CD177: variants seen among roughly 807,000 people sequenced by gnomAD.
CD177 encodes the protein CD177 molecule.
Under a neutral mutation model 38.1 loss-of-function variants are expected in CD177, and 41 were observed. The ratio of observed to expected loss-of-function variants is 1.07; its 90% CI spans 0.84 to 1.39. The LOEUF (loss-of-function observed/expected upper bound fraction) is 1.39. Among genes scored for constraint, CD177 ranks in the 40% most tolerant of loss-of-function variants. The pLI, the probability that CD177 is intolerant of heterozygous loss-of-function variation, is 0.00. For missense variants in CD177, 619 were observed against 523.8 expected, an observed-to-expected ratio of 1.18 and a Z score of -1.77; for synonymous variants, 236 against 216.7, an observed-to-expected ratio of 1.09 and a Z score of -0.78.
At chr19:43,363,957 G>A (rs1970008424), downstream of CD177, among the ~76,000 whole-genome samples, 1 of 152,196 alleles carries the variant, frequency 6.6e-6, no homozygotes, top group Admixed American at 6.5e-5. Context: ...GGGTGTGGTG[G>A]TGTGCGCCCC....
intron 7 of CD177, 56 bp downstream of exon 7, chr19:43,361,384 C>T (rs1969961363): frequency 6.3e-7 from 1 of 1,593,952 alleles, no homozygotes. Context: ...GACTCTGGCC[C>T]AAGGTGGCCA....
At position 43,354,399 on chromosome 19, in the gene CD177, GCGGGAGGGT is replaced by G; in HGVS notation, c.379+15_379+23del. 1 of 1,613,688 alleles carries G rather than the reference GCGGGAGGGT, an allele frequency of 6.2e-7. No individual in the cohort carries two copies. Among genetic ancestry groups the G allele is most frequent in the Middle Eastern group, 1.7e-4 (1 of 6,058 alleles). ...GCCCCACAGCCCCCAGCAGGTGCCT[GCGGGAGGGT>G]CGGGAGGAGAGGGAGGGGCTGCTAG... On this transcript the variant is annotated splice_region_variant and intron_variant, in intron 3 of 8. Coordinates refer to ENST00000618265, the MANE Select transcript of CD177 (RefSeq NM_020406.4).
At position 43,362,327 on chromosome 19, in the gene CD177, T is replaced by G. The variant is rs1969984273; in HGVS notation, c.*7T>G. 1.5e-6 allele frequency: 2 copies of G among 1,347,002 alleles called. No homozygotes were observed. Among genetic ancestry groups the G allele is most frequent in the Non-Finnish European group, 2.1e-6 (2 of 960,362 alleles). 83.4% of individuals were successfully genotyped at this position (1,347,002 alleles called of 1,614,324 possible). ...GGTTTGCCCTTCCTGCTAACTCTATTACCCCCACGATTCTTCACCGCTGCT... is the reference window on the plus strand; with the variant it reads ...GGTTTGCCCTTCCTGCTAACTCTATGACCCCCACGATTCTTCACCGCTGCT... On this transcript the variant is annotated 3_prime_UTR_variant, in exon 9 of 9. Transcript: ENST00000618265.
chr19:43,362,400 G>C lies in CD177; in HGVS notation c.*80G>C. ...TCTGACCTCATAACCTAATGGCCTT[G>C]GACACCAGATTCTTTCCCATTCTGT... On this transcript the variant is annotated 3_prime_UTR_variant, in exon 9 of 9. Coordinates refer to ENST00000618265, the MANE Select transcript of CD177 (RefSeq NM_020406.4). 2 of 625,196 alleles carry C rather than the reference G, an allele frequency of 3.2e-6. No homozygotes were observed. Among genetic ancestry groups the C allele is most frequent in the Non-Finnish European group, 5.6e-6 (2 of 357,916 alleles). The allele number at this position is 625,196 out of a possible 1,614,324, so 38.7% of individuals were successfully genotyped here. A position where few individuals can be genotyped will look rare whatever the true frequency, so the allele number is the denominator to read the frequency against.
rs1568443243 is a variant in CD177, at chr19:43,354,389, GC to G, written c.377del (p.Ala126GlufsTer6). ...CCCGCTTTGGGCCCCACAGCCCCCAGCAGGTGCCTGCGGGAGGGTCGGGAGG... is the reference window on the plus strand; with the variant it reads ...CCCGCTTTGGGCCCCACAGCCCCCAGAGGTGCCTGCGGGAGGGTCGGGAGG... Reference protein sequence around the residue: ...SLPLWAPQPPADPGSLRCPVC... With the variant: ...SLPLWAPQPPXDPGSLRCPVC... On this transcript the variant is annotated frameshift_variant and splice_region_variant, in exon 3 of 9. Coordinates refer to ENST00000618265, the MANE Select transcript of CD177 (RefSeq NM_020406.4). LOFTEE classifies it high-confidence loss of function. The G allele has an allele frequency of 1.2e-6, 2 of 1,613,792 alleles. No individual in the cohort carries two copies. Among genetic ancestry groups the G allele is most frequent in the Admixed American group, 1.7e-5 (1 of 60,022 alleles).
intron 3 of CD177, among the ~76,000 whole-genome samples, chr19:43,355,122 TTTTTTTTC>T (rs1969906928): frequency 8.5e-6 from 1 of 117,908 alleles, no homozygotes; most frequent in African/African-American, 3.6e-5. Context: ...TTTTTTTTTT[TTTTTTTTC>T]TGAGAAAGCG....
chr19:43,360,293 C>A lies in CD177; in HGVS notation c.648C>A (p.Thr216=). 1.2e-6 allele frequency: 2 copies of A among 1,613,332 alleles called. No homozygotes were observed. Among genetic ancestry groups the A allele is most frequent in the Non-Finnish European group, 1.7e-6 (2 of 1,179,708 alleles). The change falls in exon 6 of 9, where the codon ACC becomes ACA. Residue 216 remains threonine (T), a synonymous_variant. Coordinates refer to ENST00000618265, the MANE Select transcript of CD177 (RefSeq NM_020406.4). ...KDFLTCHRGT[T]IMTHGNLAQE... is the part of the protein sequence containing the mutation. The stretch of plus-strand genomic sequence containing the variant: ...TTCTGACCTGTCATCGGGGGACCAC[C>A]ATTATGACACACGGAAACTTGGCTC...
chr19:43,361,041 T>C lies in CD177; in HGVS notation c.761-102T>C, dbSNP rs559657063. 6.6e-4 allele frequency: 417 copies of C among 629,104 alleles called. 6 individuals are homozygous for C. In the African/African-American group the frequency reaches 6.9e-3, roughly 10 times the overall value. 39.0% of individuals were successfully genotyped at this position (629,104 alleles called of 1,614,324 possible). ...GCAGTTGTGATCAGGGCATTCACCCTCTGCCTGGGGGGTATTGTGAAGGGC... is the reference window on the plus strand; with the variant it reads ...GCAGTTGTGATCAGGGCATTCACCCCCTGCCTGGGGGGTATTGTGAAGGGC... On this transcript the variant is annotated intron_variant, in intron 6 of 8. Coordinates refer to ENST00000618265, the MANE Select transcript of CD177 (RefSeq NM_020406.4).
rs758051031 is a variant in CD177 at position 43,360,343 on chromosome 19, C to A, written c.698C>A (p.Ser233Ter). Residue 233 changes from serine (S) to a stop codon, truncating the protein, a stop_gained, in exon 6 of 9, where the codon TCG (serine) becomes TAG (stop). Transcript: ENST00000618265. LOFTEE classifies it high-confidence loss of function. ...LAQEPTDWTT[S>*]NTEMCEVGQV... ...CAAGAACCCACTGATTGGACCACAT[C>A]GAATACCGAGATGTGCGAGGTGGGG... The A allele has an allele frequency of 6.2e-7, 1 of 1,611,922 alleles. No individual in the cohort carries two copies. The highest frequency in any genetic ancestry group is 1.3e-5 in the African/African-American group (1 of 74,854).
In CD177 at chr19:43,355,781, G is replaced by C. The variant is rs775597706; in HGVS notation, c.500G>C (p.Gly167Ala). Residue 167 changes from glycine (G) to alanine (A), a missense_variant and splice_region_variant, in exon 4 of 9, where the codon GGA becomes GCA. By Grantham distance (60) the Gly-to-Ala change is moderately conservative (BLOSUM62 0). Transcript: ENST00000618265. The stretch of plus-strand genomic sequence containing the variant: ...TATGATGGCCTCCTCAGGCTCAGGG[G>C]AGGTAAGCCTGGGACATCGGGGTCC... The part of the protein sequence containing the change: ...HCYDGLLRLR[G>A]GGIFSNLRVQ... 1 of 1,612,968 alleles carries C rather than the reference G, an allele frequency of 6.2e-7. No individual in the cohort carries two copies. The highest frequency in any genetic ancestry group is 8.5e-7 in the Non-Finnish European group (1 of 1,179,494).
At chr19:43,354,786 CT>C (rs1470144223) in intron 3 of CD177, among the ~76,000 whole-genome samples, 2 of 152,138 alleles carry the variant, frequency 1.3e-5, no homozygotes, top group Non-Finnish European at 2.9e-5. Context: ...TAACTTTCCA[CT>C]TTCCTTGTCT....
At position 43,360,307 on chromosome 19, in the gene CD177, G is replaced by T. The variant is rs1342530102; in HGVS notation, c.662G>T (p.Gly221Val). The T allele has an allele frequency of 6.2e-7, 1 of 1,612,722 alleles. No individual in the cohort carries two copies. Among genetic ancestry groups the T allele is most frequent in the East Asian group, 2.2e-5 (1 of 44,856 alleles). The stretch of plus-strand genomic sequence containing the variant: ...CGGGGGACCACCATTATGACACACG[G>T]AAACTTGGCTCAAGAACCCACTGAT... ...CHRGTTIMTHGNLAQEPTDWT... is the reference protein window; with the variant it reads ...CHRGTTIMTHVNLAQEPTDWT... Residue 221 changes from glycine (G) to valine (V), a missense_variant, in exon 6 of 9, where the codon GGA (glycine) becomes GTA (valine). Physicochemically the swap from Gly to Val is moderately radical, Grantham distance 109. Coordinates refer to ENST00000618265, the MANE Select transcript of CD177 (RefSeq NM_020406.4).
Position 43,353,914 on chromosome 19 carries a change from G to T in CD177, c.114G>T (p.Leu38=). The change falls in exon 2 of 9, where the codon CTG becomes CTT. Residue 38 remains leucine (L), a synonymous_variant. Coordinates refer to ENST00000618265, the MANE Select transcript of CD177 (RefSeq NM_020406.4). ...AGCATGTGTGGAAGGTGTCCGACCT[G>T]CCCCGGCAATGGACCCCTAAGAACA... ...TVQHVWKVSD[L]PRQWTPKNTS... is the part of the protein sequence containing the mutation. 6 of 1,613,814 alleles carry T rather than the reference G, an allele frequency of 3.7e-6. No individual in the cohort carries two copies. The South Asian group carries it at 4.4e-5, about 12-fold the overall frequency.
chr19:43,362,200 G>T lies in CD177; in HGVS notation c.1194G>T (p.Val398=), dbSNP rs1969980889. ...GIFSAREKRD[V]QPPASQHEGG... ...TCTCTGCGCGTGAGAAGCGTGATGTGCAGCCTCCTGCCTCTCAGCATGAGG... is the reference window on the plus strand; with the variant it reads ...TCTCTGCGCGTGAGAAGCGTGATGTTCAGCCTCCTGCCTCTCAGCATGAGG... Residue 398 remains valine (V), a synonymous_variant, in exon 9 of 9, where the codon GTG becomes GTT. Coordinates refer to ENST00000618265, the MANE Select transcript of CD177 (RefSeq NM_020406.4). The T allele has an allele frequency of 4.3e-6, 7 of 1,613,428 alleles. No homozygotes were observed. Among genetic ancestry groups the T allele is most frequent in the Non-Finnish European group, 5.1e-6 (6 of 1,179,542 alleles).
Position 43,355,153 on chromosome 19 carries a change from G to A in CD177, c.380-508G>A, listed in dbSNP as rs555858077. 2.0e-4 allele frequency among the ~76,000 whole-genome samples: 25 copies of A among 127,496 alleles called. 1 individual carries two copies. The South Asian group carries it at 3.5e-3, about 18-fold the overall frequency. The allele number at this position is 127,496 out of a possible 152,430, so 83.6% of individuals were successfully genotyped here. A position where few individuals can be genotyped will look rare whatever the true frequency, so the allele number is the denominator to read the frequency against. On this transcript the variant is annotated intron_variant, in intron 3 of 8. Transcript: ENST00000618265. Reference sequence around the variant, plus strand: ...TTCTGAGAAAGCGTCTCGCTGTGTCGACCAGGCTGGAGTGCAGTGGCGCAA... The same window carrying A: ...TTCTGAGAAAGCGTCTCGCTGTGTCAACCAGGCTGGAGTGCAGTGGCGCAA...
At chr19:43,365,855 T>A (rs62114805), downstream of CD177, among the ~76,000 whole-genome samples, 31,559 of 151,968 alleles carry the variant, frequency 0.21, 3,344 homozygotes, top group Middle Eastern at 0.27. Flanking sequence ...AGTCACTTGC[T>A]GGCCTCAGAC....
rs761991629 is a variant in CD177 at position 43,362,222 on chromosome 19, G to A, written c.1216G>A (p.Glu406Lys). 6.2e-7 allele frequency: 1 copy of A among 1,612,808 alleles called. No individual in the cohort carries two copies. Among genetic ancestry groups the A allele is most frequent in the Non-Finnish European group, 8.5e-7 (1 of 1,178,884 alleles). Residue 406 changes from glutamate to lysine, a missense_variant, in exon 9 of 9, where the codon GAG becomes AAG. Coordinates refer to ENST00000618265, the MANE Select transcript of CD177 (RefSeq NM_020406.4). ...TGTGCAGCCTCCTGCCTCTCAGCAT[G>A]AGGGAGGTGGGGCTGAGGGCCTGGA... ...RDVQPPASQH[E>K]GGGAEGLESL...
Position 43,362,497 on chromosome 19 carries a change from A to G in CD177, c.*177A>G. On this transcript the variant is annotated 3_prime_UTR_variant, in exon 9 of 9. Coordinates refer to ENST00000618265, the MANE Select transcript of CD177 (RefSeq NM_020406.4). The stretch of plus-strand genomic sequence containing the variant: ...AACAGCAACACTGGGGAGAGCCTGG[A>G]GCATCCGGACTTGCCCTATGGGAGA... The G allele has an allele frequency of 7.7e-6, 4 of 521,362 alleles. No homozygotes were observed. The highest frequency in any genetic ancestry group is 1.4e-5 in the Non-Finnish European group (4 of 293,738). The allele number at this position is 521,362 out of a possible 1,614,324, so 32.3% of individuals were successfully genotyped here.
chr19:43,362,000 G>T, intron 8 of CD177, 88 bp from the exon 9 acceptor site: 1 of 1,136,678 alleles, frequency 8.8e-7, no homozygotes, highest in Non-Finnish European at 1.3e-6. Context: ...TCGGTCTGAG[G>T]GAGGAGGGTC....
Sources: gnomAD v4.1 joint callset for allele counts (sites outside exome capture counted in the v4.1 genomes callset) on GRCh38, gnomAD v4.1.1 for gene constraint, MANE v1.5 for transcripts, NCBI Gene and HGNC (gene_info 2026-07-23, HGNC 2026-07-21) for gene names.